Variants in TBX15 observed in about 807,000 individuals in gnomAD.
TBX15 encodes the protein T-box transcription factor TBX15.
In TBX15, 18 loss-of-function variants were observed where a neutral mutation model predicts 53.9. The observed-to-expected ratio is 0.33, with a 90% CI of 0.23 to 0.49. The LOEUF (loss-of-function observed/expected upper bound fraction) is 0.49. Among genes scored for constraint, TBX15 ranks in the 20% least tolerant of loss-of-function variants. The pLI is 0.98. For synonymous variants in TBX15, 295 were observed against 278.0 expected (o/e 1.06, Z -0.61); for missense variants, 692 against 749.5 (o/e 0.92, Z 0.90).
intron 7 of TBX15, among the ~76,000 whole-genome samples, chr1:118,898,667 G>C (rs530454217): frequency 6.6e-6 from 1 of 152,152 alleles, no homozygotes; most frequent in Admixed American, 6.5e-5. Context: ...CTTATTCTAA[G>C]AAAACTGAGA....
intron 6 of TBX15, among the ~76,000 whole-genome samples, chr1:118,911,475 G>A (rs751435789): frequency 3.3e-5 from 5 of 152,198 alleles, no homozygotes; most frequent in Non-Finnish European, 7.3e-5. Flanking sequence ...TCTGCCCTGA[G>A]CAGTAAGACA....
intron 5 of TBX15, among the ~76,000 whole-genome samples, chr1:118,915,618 T>C (rs759966922): frequency 1.3e-5 from 2 of 152,224 alleles, no homozygotes; most frequent in Non-Finnish European, 2.9e-5. Context: ...GAATACTGTA[T>C]TGAGTTTAAA....
chr1:118,889,371 C>A (rs981058131), intron 7 of TBX15, among the ~76,000 whole-genome samples: 19 of 152,168 alleles, frequency 1.2e-4, no homozygotes, highest in Admixed American at 6.5e-5. Flanking sequence ...GGAGCCCATC[C>A]TCTTTGATCA....
At chr1:118,977,300 C>CAT (rs375617492) in intron 1 of TBX15, among the ~76,000 whole-genome samples, 177 of 151,426 alleles carry the variant, frequency 1.2e-3, no homozygotes, top group African/African-American at 2.8e-3. Context: ...TATATATGCA[C>CAT]ATATATATAT....
intron 7 of TBX15, among the ~76,000 whole-genome samples, chr1:118,889,549 G>A (rs532313341): frequency 5.9e-5 from 9 of 152,262 alleles, no homozygotes; most frequent in Middle Eastern, 3.4e-3. Flanking sequence ...GCCAGGTCCC[G>A]AGTGCTCTGA....
At chr1:118,911,200 T>G (rs1655015238) in intron 6 of TBX15, among the ~76,000 whole-genome samples, 1 of 151,290 alleles carries the variant, frequency 6.6e-6, no homozygotes, top group Admixed American at 6.6e-5. Context: ...TGAGCCTCAA[T>G]TGCTTCATTT....
chr1:118,889,470 G>A (rs879812126), intron 7 of TBX15, among the ~76,000 whole-genome samples: 3 of 152,216 alleles, frequency 2.0e-5, no homozygotes, highest in African/African-American at 7.2e-5. Context: ...TACTGATACA[G>A]GAGGGTCAGA....
intron 3 of TBX15, among the ~76,000 whole-genome samples, chr1:118,925,796 C>T (rs866815952): frequency 6.6e-6 from 1 of 152,180 alleles, no homozygotes; most frequent in African/African-American, 2.4e-5. Context: ...TTCATCAGCT[C>T]TTGCCTCCCT....
In TBX15 at chr1:118,902,090, T is replaced by C. The variant is rs191281715; in HGVS notation, c.927-2965A>G. On this transcript the variant is annotated intron_variant, in intron 6 of 7. Coordinates refer to ENST00000369429, the MANE Select transcript of TBX15 (RefSeq NM_001330677.2). The stretch of plus-strand genomic sequence containing the variant: ...CATAGCATATATATAAATTATTCTA[T>C]AATAGAAATGATCCTATAATATATA... 5.9e-5 allele frequency among the ~76,000 whole-genome samples: 9 copies of C among 152,154 alleles called. No individual in the cohort carries two copies. The East Asian group carries it at 1.2e-3, about 20-fold the overall frequency.
chr1:118,891,273 G>C (rs1011857539), intron 7 of TBX15, among the ~76,000 whole-genome samples: 3 of 152,088 alleles, frequency 2.0e-5, no homozygotes, highest in African/African-American at 7.3e-5. Flanking sequence ...TTTGCACATT[G>C]GTACTCTGTG....
At chr1:118,981,350 T>G (rs925833175) in intron 1 of TBX15, among the ~76,000 whole-genome samples, 4 of 149,804 alleles carry the variant, frequency 2.7e-5, no homozygotes, top group Non-Finnish European at 6.0e-5. Flanking sequence ...AATGGCAGTT[T>G]CTTGTCCCAA....
At chr1:118,938,284 G>A (rs191253202) in intron 1 of TBX15, among the ~76,000 whole-genome samples, 3 of 152,234 alleles carry the variant, frequency 2.0e-5, no homozygotes, top group South Asian at 2.1e-4. Flanking sequence ...TGGGAAAAGG[G>A]AGTAACCTGA....
chr1:118,892,767 A>G (rs1231444925), intron 7 of TBX15, among the ~76,000 whole-genome samples: 1 of 152,226 alleles, frequency 6.6e-6, no homozygotes, highest in Non-Finnish European at 1.5e-5. Flanking sequence ...TACCCACGAC[A>G]GCATGAGAAA....
At chr1:118,917,771 T>C (rs1410183338) in intron 5 of TBX15, among the ~76,000 whole-genome samples, 1 of 152,144 alleles carries the variant, frequency 6.6e-6, no homozygotes, top group Non-Finnish European at 1.5e-5. Context: ...AGCACCCCAT[T>C]TGGTCTTCGT....
At chr1:118,985,070 G>A (rs1218704945) in intron 1 of TBX15, among the ~76,000 whole-genome samples, 5 of 152,204 alleles carry the variant, frequency 3.3e-5, no homozygotes, top group African/African-American at 1.2e-4. Context: ...GAGAGATGGT[G>A]AGAATACTCT....
chr1:118,887,852 G>C (rs1230740716), intron 7 of TBX15, among the ~76,000 whole-genome samples: 1 of 152,160 alleles, frequency 6.6e-6, no homozygotes, highest in African/African-American at 2.4e-5. Context: ...ATGGGCATAG[G>C]TAGTAGTGCT....
At chr1:118,889,030 A>G (rs1232960888) in intron 7 of TBX15, among the ~76,000 whole-genome samples, 1 of 152,188 alleles carries the variant, frequency 6.6e-6, no homozygotes, top group African/African-American at 2.4e-5. Flanking sequence ...TTTAAATGAC[A>G]TTCACTGGAA....
chr1:118,914,367 G>A (rs953369955), intron 5 of TBX15, among the ~76,000 whole-genome samples, 188 bp from the exon 6 acceptor site: 5 of 152,066 alleles, frequency 3.3e-5, no homozygotes, highest in South Asian at 2.1e-4. Context: ...TGACCCACCC[G>A]ACTCACTTCT....
intron 5 of TBX15, among the ~76,000 whole-genome samples, chr1:118,915,042 C>A (rs1655153605): frequency 6.6e-6 from 1 of 152,202 alleles, no homozygotes; most frequent in African/African-American, 2.4e-5. Flanking sequence ...ATATTGCCCT[C>A]ATGCCTGTAG....
Sources: allele counts gnomAD v4.1 joint callset (sites outside exome capture counted in the v4.1 genomes callset), GRCh38; gene constraint gnomAD v4.1.1; transcripts MANE v1.5; gene names NCBI Gene and HGNC (gene_info 2026-07-23, HGNC 2026-07-21).